The following NEB variants were observed in gnomAD, a reference collection of about 807,000 sequenced individuals.
The protein encoded by NEB is nemaline myopathy type 2.
NEB carries 512 observed loss-of-function variants against 952.2 expected under a neutral mutation model. The observed-to-expected ratio is 0.54, with a 90% CI of 0.50 to 0.58. The LOEUF is 0.58. Ranked by LOEUF, NEB falls within the 20% of genes least tolerant of loss-of-function variation. NEB has a pLI of 0.00. For synonymous variants in NEB, 2,900 were observed against 3,149.8 expected (o/e 0.92, Z 2.66); for missense variants, 8,428 against 9,231.1 (o/e 0.91, Z 3.56).
intron 169 of NEB, among the ~76,000 whole-genome samples, chr2:151,498,701 T>C (rs16830109): frequency 0.015 from 2,265 of 152,282 alleles, 80 homozygotes; most frequent in East Asian, 0.14. Flanking sequence ...AGGAAGTTAC[T>C]TTTGATTTGA....
intron 30 of NEB, 49 bp downstream of exon 30, chr2:151,680,681 A>T (rs1180629047): frequency 7.6e-7 from 1 of 1,318,720 alleles, no homozygotes; most frequent in Admixed American, 1.9e-5. Flanking sequence ...ATACAAATGT[A>T]TTTGTATTAG....
intron 27 of NEB, 90 bp downstream of exon 27, chr2:151,687,329 G>T: frequency 9.2e-7 from 1 of 1,084,530 alleles, no homozygotes; most frequent in Non-Finnish European, 1.4e-6. Flanking sequence ...AAGAGCCCAT[G>T]CTCATGAAAT....
chr2:151,687,775 G>GT, intron 25 of NEB, 42 bp from the exon 26 acceptor site: 1 of 1,502,686 alleles, frequency 6.7e-7, no homozygotes. Flanking sequence ...AAGAACAACA[G>GT]TGTAATCCAG....
In NEB at chr2:151,568,633, G is replaced by T. The variant is rs767518298; in HGVS notation, c.17619C>A (p.Gly5873=). 8.1e-6 allele frequency: 13 copies of T among 1,607,472 alleles called. No homozygotes were observed. The highest frequency in any genetic ancestry group is 1.7e-5 in the Admixed American group (1 of 59,214). ...RVDYVTAKQS[G]EILDDIKYRK... Reference sequence around the variant, plus strand: ...ATATACTTACATCATCGAGGATCTCGCCACTTTGTTTCGCTGTCACATAAT... The same window carrying T: ...ATATACTTACATCATCGAGGATCTCTCCACTTTGTTTCGCTGTCACATAAT... The change falls in exon 111 of 182, where the codon GGC becomes GGA. Residue 5873 remains glycine (G), a synonymous_variant. Transcript: ENST00000397345.
At chr2:151,663,103 A>G (rs899490907) in intron 45 of NEB, among the ~76,000 whole-genome samples, 5 of 152,188 alleles carry the variant, frequency 3.3e-5, no homozygotes, top group East Asian at 3.9e-4. Flanking sequence ...TCACCTTCTC[A>G]AAATTTCATT....
chr2:151,659,096 A>C lies in NEB; in HGVS notation c.6044T>G (p.Leu2015Trp). The C allele has an allele frequency of 6.2e-7, 1 of 1,612,514 alleles. No homozygotes were observed. The highest frequency in any genetic ancestry group is 1.1e-5 in the South Asian group (1 of 91,038). Residue 2015 changes from leucine (L) to tryptophan (W), a missense_variant, in exon 47 of 182, where the codon TTG (leucine) becomes TGG (tryptophan). Leu to Trp is a moderately conservative substitution (Grantham distance 61). Coordinates refer to ENST00000397345, the MANE Select transcript of NEB (RefSeq NM_001164508.2). ...CATATTAATTGCATTTGCCTTTGCCAAAATAATCTGGGGGATATCAGGCAT... is the reference window on the plus strand; with the variant it reads ...CATATTAATTGCATTTGCCTTTGCCCAAATAATCTGGGGGATATCAGGCAT... The part of the protein sequence containing the change: ...HIMPDIPQII[L>W]AKANAINMSD...
intron 70 of NEB, 82 bp downstream of exon 70, chr2:151,626,918 TAA>T: frequency 6.6e-7 from 1 of 1,508,600 alleles, no homozygotes; most frequent in Admixed American, 1.7e-5. Flanking sequence ...TAATTGGATT[TAA>T]AAAAGAGACT....
In NEB at chr2:151,708,252, A is replaced by G. The variant is rs1049866563; in HGVS notation, c.1036-1255T>C. ...CTCTTTACCCAGTTTTTCATTAGCT[A>G]CTTGCCCATTTTCTTCTTTTCTTAC... is the stretch of plus-strand genomic sequence containing the variant. On this transcript the variant is annotated intron_variant, in intron 12 of 181. Transcript: ENST00000397345. Among the ~76,000 whole-genome samples the G allele has an allele frequency of 3.9e-5, 6 of 152,288 alleles. No individual in the cohort carries two copies. The South Asian group carries it at 1.2e-3, about 32-fold the overall frequency.
chr2:151,617,035 C>T (rs1466549524), intron 75 of NEB, among the ~76,000 whole-genome samples: 4 of 152,182 alleles, frequency 2.6e-5, no homozygotes, highest in Admixed American at 1.3e-4. Flanking sequence ...CATCAGATTC[C>T]AACCCAGTCC....
intron 13 of NEB, among the ~76,000 whole-genome samples, chr2:151,701,652 T>C (rs1276757841): frequency 6.6e-6 from 1 of 151,560 alleles, no homozygotes; most frequent in East Asian, 1.9e-4. Context: ...TTTATTTGCG[T>C]AGAGGTGTTT....
At position 151,612,382 on chromosome 2, in the gene NEB, T is replaced by G; in HGVS notation, c.11609A>C (p.Tyr3870Ser). The G allele has an allele frequency of 1.2e-6, 2 of 1,613,446 alleles. No homozygotes were observed. Among genetic ancestry groups the G allele is most frequent in the Non-Finnish European group, 1.7e-6 (2 of 1,179,508 alleles). Residue 3870 changes from tyrosine (Y) to serine (S), a missense_variant, in exon 78 of 182, where the codon TAC (tyrosine) becomes TCC (serine). Transcript: ENST00000397345. Reference sequence around the variant, plus strand: ...TCTCAGCCACTCAAGATCAGATTTGTAAATAGCCTGAAAATGAAATAATGT... The same window carrying G: ...TCTCAGCCACTCAAGATCAGATTTGGAAATAGCCTGAAAATGAAATAATGT... ...KAYDLQSDAI[Y>S]KSDLEWLRGI...
intron 153 of NEB, among the ~76,000 whole-genome samples, chr2:151,523,184 T>G (rs565135862): frequency 4.5e-4 from 69 of 152,242 alleles, no homozygotes; most frequent in Non-Finnish European, 6.2e-4. Context: ...TGTTTTTTTG[T>G]TGGTGGTGGT....
chr2:151,631,023 G>A, intron 66 of NEB, 120 bp downstream of exon 66: 1 of 1,363,476 alleles, frequency 7.3e-7, no homozygotes, highest in South Asian at 1.4e-5. Flanking sequence ...TTTCAAGCAT[G>A]TAATTTAAAA....
chr2:151,620,292 T>C (rs891794184), intron 72 of NEB, among the ~76,000 whole-genome samples: 3 of 139,308 alleles, frequency 2.2e-5, no homozygotes, highest in African/African-American at 7.9e-5. Flanking sequence ...CACCAAACAG[T>C]ATACTTGAAA....
intron 173 of NEB, among the ~76,000 whole-genome samples, chr2:151,494,759 C>A (rs936759772): frequency 1.3e-5 from 2 of 152,294 alleles, no homozygotes; most frequent in East Asian, 3.9e-4. Flanking sequence ...AGTGATTCTT[C>A]TGCCTCAGCC....
At chr2:151,548,164 T>A (rs2094937904) in intron 131 of NEB, 144 bp downstream of exon 131, 1 of 705,788 alleles carries the variant, frequency 1.4e-6, no homozygotes, top group Non-Finnish European at 2.4e-6. Context: ...AATATCAGTA[T>A]CAAAATGTGA....
intron 69 of NEB, 128 bp from the exon 70 acceptor site, chr2:151,627,333 C>A: frequency 7.4e-7 from 1 of 1,358,444 alleles, no homozygotes; most frequent in Non-Finnish European, 9.9e-7. Flanking sequence ...ATATGAAGGC[C>A]AAATTGAATA....
rs372138506 is a variant in NEB, at chr2:151,640,619, A to G, written c.8421T>C (p.Gly2807=). The G allele has an allele frequency of 2.5e-6, 4 of 1,613,906 alleles. No homozygotes were observed. Among genetic ancestry groups the G allele is most frequent in the Non-Finnish European group, 3.4e-6 (4 of 1,179,836 alleles). ...GYRKQLGHHI[G]ARAIRDDPKM... Reference sequence around the variant, plus strand: ...TGGGGTCATCACGTATAGCTCGGGCACCAATGTGGTGGCCGAGCTGCTTAC... The same window carrying G: ...TGGGGTCATCACGTATAGCTCGGGCGCCAATGTGGTGGCCGAGCTGCTTAC... Residue 2807 remains glycine (G), a synonymous_variant, in exon 61 of 182, where the codon GGT becomes GGC. Coordinates refer to ENST00000397345, the MANE Select transcript of NEB (RefSeq NM_001164508.2).
In NEB at chr2:151,643,869, G is replaced by A. The variant is rs768623821; in HGVS notation, c.7905C>T (p.Pro2635=). Residue 2635 remains proline (P), a synonymous_variant, in exon 57 of 182, where the codon CCC becomes CCT. Transcript: ENST00000397345. ...KNYLHQWTCL[P]DQSDVIHARQ... ...GAGCATGGATGACATCGCTCTGGTC[G>A]GGCAGGCATGTCCACTGGTGCAGGT... is the stretch of plus-strand genomic sequence containing the variant. The A allele has an allele frequency of 2.1e-5, 34 of 1,613,974 alleles. No individual in the cohort carries two copies. Among genetic ancestry groups the A allele is most frequent in the Middle Eastern group, 1.6e-4 (1 of 6,062 alleles).
Sources: gnomAD v4.1 joint callset for allele counts (sites outside exome capture counted in the v4.1 genomes callset) on GRCh38, gnomAD v4.1.1 for gene constraint, MANE v1.5 for transcripts, NCBI Gene and HGNC (gene_info 2026-07-23, HGNC 2026-07-21) for gene names.